Variants in DNAH10 observed in about 807,000 individuals in gnomAD.
DNAH10 encodes dynein axonemal heavy chain 10, also known as axonemal beta dynein heavy chain 10.
DNAH10 carries 348 observed loss-of-function variants against 506.6 expected under a neutral mutation model. The observed-to-expected ratio is 0.69, with a 90% confidence interval of 0.63 to 0.75. DNAH10 has a LOEUF of 0.75. DNAH10 is among the 30% of genes least tolerant of loss of function. The pLI is 0.00. For missense variants in DNAH10, 5,179 were observed against 5,787.1 expected (o/e 0.89, Z 3.41); for synonymous variants, 2,059 against 2,198.6 (o/e 0.94, Z 1.78).
intron 21 of DNAH10, among the ~76,000 whole-genome samples, chr12:123,817,975 G>T (rs866579483): frequency 6.9e-6 from 1 of 144,712 alleles, no homozygotes; most frequent in African/African-American, 2.6e-5. Context: ...TTGAGATGGA[G>T]TTTCACTCTT....
chr12:123,905,104 T>A (rs1953714229), intron 57 of DNAH10, among the ~76,000 whole-genome samples: 1 of 152,230 alleles, frequency 6.6e-6, no homozygotes, highest in South Asian at 2.1e-4. Flanking sequence ...ATACAAATTA[T>A]AACACCCTAT....
At chr12:123,924,725 T>C (rs769577537) in intron 67 of DNAH10, among the ~76,000 whole-genome samples, 1 of 145,166 alleles carries the variant, frequency 6.9e-6, no homozygotes. Flanking sequence ...CACCCACCCA[T>C]CTACTCATCC....
Position 123,773,172 on chromosome 12 carries a change from A to G in DNAH10, c.505+230A>G, listed in dbSNP as rs1957322296. On this transcript the variant is annotated intron_variant, in intron 4 of 78. Coordinates refer to ENST00000673944, the MANE Select transcript of DNAH10 (RefSeq NM_001372106.1). ...AGCCAGTGATAGTGCATGTCTGCAC[A>G]TATTTGGAGAAGGTGTGAAGACTGA... 2.0e-5 allele frequency among the ~76,000 whole-genome samples: 3 copies of G among 152,260 alleles called. No individual in the cohort carries two copies. In the South Asian group the frequency reaches 6.2e-4, roughly 31 times the overall value.
rs1192271412 is a variant in DNAH10 at position 123,853,263 on chromosome 12, C to A, written c.6349C>A (p.Gln2117Lys). 1 of 1,611,180 alleles carries A rather than the reference C, an allele frequency of 6.2e-7. No individual in the cohort carries two copies. Among genetic ancestry groups the A allele is most frequent in the African/African-American group, 1.3e-5 (1 of 74,848 alleles). Reference sequence around the variant, plus strand: ...GCTGGCCCGGGAGCAGCTGTCCAAGCAGTATCACTATGATTTTGGACTCAG... The same window carrying A: ...GCTGGCCCGGGAGCAGCTGTCCAAGAAGTATCACTATGATTTTGGACTCAG... ...YKLAREQLSK[Q>K]YHYDFGLRAL... The change falls in exon 36 of 79, where the codon CAG becomes AAG. Residue 2117 changes from glutamine to lysine, a missense_variant. Gln to Lys is a moderately conservative substitution (Grantham distance 53). Transcript: ENST00000673944. The surrounding 1 kb of genome is among the most constrained non-coding windows in gnomAD (Gnocchi z 4.7).
intron 37 of DNAH10, 141 bp from the exon 38 acceptor site, chr12:123,859,009 G>T: frequency 1.3e-6 from 1 of 784,490 alleles, no homozygotes; most frequent in Non-Finnish European, 2.0e-6. Flanking sequence ...GGGGATGGTT[G>T]CACAACTCTG....
At chr12:123,905,366 C>T (rs1393408446) in intron 57 of DNAH10, among the ~76,000 whole-genome samples, 1 of 152,154 alleles carries the variant, frequency 6.6e-6, no homozygotes, top group African/African-American at 2.4e-5. Context: ...GTGGGCGAGT[C>T]CACCTGCAGG....
At chr12:123,805,639 C>T (rs1002707013) in intron 18 of DNAH10, among the ~76,000 whole-genome samples, 2 of 152,170 alleles carry the variant, frequency 1.3e-5, no homozygotes, top group Non-Finnish European at 2.9e-5. Flanking sequence ...AAATCCATCA[C>T]CGTTACCGTC....
At chr12:123,833,082 G>A in intron 26 of DNAH10, 32 bp from the exon 27 acceptor site, 1 of 1,545,000 alleles carries the variant, frequency 6.5e-7, no homozygotes, top group South Asian at 1.2e-5. Context: ...CAGTTCGTGT[G>A]CCTGAATCAT....
In DNAH10 at chr12:123,931,731, G is replaced by A. The variant is rs771316732; in HGVS notation, c.13012G>A (p.Val4338Met). 1 of 1,613,944 alleles carries A rather than the reference G, an allele frequency of 6.2e-7. No homozygotes were observed. The highest frequency in any genetic ancestry group is 8.5e-7 in the Non-Finnish European group (1 of 1,179,916). ...GCCCAAAGTCTTTGACTTGGACCAG[G>A]TGAGGAAGCGCCTCGGAACAGGACT... is the stretch of plus-strand genomic sequence containing the variant. ...KMPKVFDLDQVRKRLGTGLSP... is the reference protein window; with the variant it reads ...KMPKVFDLDQMRKRLGTGLSP... Residue 4338 changes from valine to methionine, a missense_variant, in exon 75 of 79, where the codon GTG (valine) becomes ATG (methionine). Val to Met is a conservative substitution (Grantham distance 21). This residue lies in a region of DNAH10 where 4,844 missense variants were observed against 5,430.5 expected (regional missense o/e 0.89). Coordinates refer to ENST00000673944, the MANE Select transcript of DNAH10 (RefSeq NM_001372106.1).
Position 123,919,101 on chromosome 12 carries a change from G to C in DNAH10, c.11506+152G>C, listed in dbSNP as rs1267878558. The C allele has an allele frequency of 8.8e-6, 9 of 1,020,022 alleles. No individual in the cohort carries two copies. The highest frequency in any genetic ancestry group is 2.7e-5 in the East Asian group (1 of 37,170). The allele number at this position is 1,020,022 out of a possible 1,614,324, so 63.2% of individuals were successfully genotyped here. A position where few individuals can be genotyped will look rare whatever the true frequency, so the allele number is the denominator to read the frequency against. On this transcript the variant is annotated intron_variant, in intron 65 of 78. Coordinates refer to ENST00000673944, the MANE Select transcript of DNAH10 (RefSeq NM_001372106.1). The surrounding 1 kb of genome is among the most constrained non-coding windows in gnomAD (Gnocchi z 4.9). ...TCTTTTTCTTTTTTTTTTGAGATAG[G>C]GTCTTGCTCCATCACCCAGGCTGGA...
intron 19 of DNAH10, among the ~76,000 whole-genome samples, chr12:123,811,794 C>T (rs1184801802): frequency 1.3e-5 from 2 of 152,006 alleles, no homozygotes; most frequent in Non-Finnish European, 2.9e-5. Flanking sequence ...TGAGCCACTG[C>T]GCCTGGCCTA....
chr12:123,817,136 AT>A (rs201880449), intron 21 of DNAH10, among the ~76,000 whole-genome samples: 3,390 of 132,782 alleles, frequency 0.026, 149 homozygotes, highest in African/African-American at 0.091. Context: ...GCTTTTAAGA[AT>A]TTTTTTTTGG....
chr12:123,887,665 T>C (rs1952797852), intron 52 of DNAH10, among the ~76,000 whole-genome samples: 1 of 152,150 alleles, frequency 6.6e-6, no homozygotes, highest in Non-Finnish European at 1.5e-5. Context: ...GCCTCCTGCC[T>C]GTGATCCCAG....
At chr12:123,808,696 T>A in intron 18 of DNAH10, 101 bp from the exon 19 acceptor site, 1 of 1,276,054 alleles carries the variant, frequency 7.8e-7, no homozygotes, top group Non-Finnish European at 1.1e-6. Flanking sequence ...TGCCATTGCC[T>A]GTACCTGTGA....
rs772848384 is a variant in DNAH10 at position 123,893,366 on chromosome 12, T to A, written c.9129T>A (p.Asn3043Lys). 1 of 1,613,882 alleles carries A rather than the reference T, an allele frequency of 6.2e-7. No individual in the cohort carries two copies. The highest frequency in any genetic ancestry group is 1.3e-5 in the African/African-American group (1 of 75,036). Residue 3043 changes from asparagine to lysine, a missense_variant, in exon 53 of 79, where the codon AAT becomes AAA. This residue lies in a region of DNAH10 where 4,844 missense variants were observed against 5,430.5 expected (regional missense o/e 0.89). Transcript: ENST00000673944. ...VWQYFVNKSA[N>K]NLHIVLGMSP... ...AGTACTTCGTGAACAAAAGTGCAAATAACCTGCACATTGTCCTGGGCATGT... is the reference window on the plus strand; with the variant it reads ...AGTACTTCGTGAACAAAAGTGCAAAAAACCTGCACATTGTCCTGGGCATGT...
At chr12:123,901,863 G>A (rs1414082145) in intron 56 of DNAH10, among the ~76,000 whole-genome samples, 1 of 152,128 alleles carries the variant, frequency 6.6e-6, no homozygotes, top group East Asian at 1.9e-4. Context: ...GTTTCGCCAT[G>A]TTGGCCAGGC....
chr12:123,895,403 A>G (rs544756016), intron 54 of DNAH10, among the ~76,000 whole-genome samples: 1 of 152,364 alleles, frequency 6.6e-6, no homozygotes, highest in Non-Finnish European at 1.5e-5. Flanking sequence ...AAATAAATAA[A>G]TGTTCCTATA....
At chr12:123,764,101 A>C (rs547620041) in intron 1 of DNAH10, among the ~76,000 whole-genome samples, 11 of 152,126 alleles carry the variant, frequency 7.2e-5, no homozygotes, top group African/African-American at 2.4e-4. Context: ...CCTGACCTAA[A>C]GTGATCTGCC....
Position 123,893,397 on chromosome 12 carries a change from G to C in DNAH10, c.9160G>C (p.Val3054Leu). The C allele has an allele frequency of 6.2e-7, 1 of 1,613,406 alleles. No homozygotes were observed. Among genetic ancestry groups the C allele is most frequent in the Non-Finnish European group, 8.5e-7 (1 of 1,179,900 alleles). ...GCACATTGTCCTGGGCATGTCGCCA[G>C]TGGGGGACACCCTGAGGACCTGGTG... ...NLHIVLGMSP[V>L]GDTLRTWCRN... Residue 3054 changes from valine (V) to leucine (L), a missense_variant, in exon 53 of 79, where the codon GTG (valine) becomes CTG (leucine). By Grantham distance (32) the Val-to-Leu change is conservative (BLOSUM62 1). Coordinates refer to ENST00000673944, the MANE Select transcript of DNAH10 (RefSeq NM_001372106.1).
Sources: allele counts gnomAD v4.1 joint callset (sites outside exome capture counted in the v4.1 genomes callset), GRCh38; gene constraint gnomAD v4.1.1; regional missense constraint gnomAD v4.1.1; non-coding constraint Gnocchi (gnomAD v3.1); transcripts MANE v1.5; gene names NCBI Gene and HGNC (gene_info 2026-07-23, HGNC 2026-07-21).